Variants in NPAS3 observed in about 807,000 individuals in gnomAD.
NPAS3 encodes the protein neuronal PAS domain protein 3, also known as neuronal PAS domain-containing protein 3.
NPAS3 carries 14 observed loss-of-function variants against 73.1 expected under a neutral mutation model. The ratio of observed to expected loss-of-function variants is 0.19; its 90% CI spans 0.13 to 0.30. The LOEUF is 0.30. Among genes scored for constraint, NPAS3 ranks in the 10% least tolerant of loss-of-function variants. NPAS3 has a pLI of 1.00. For missense variants in NPAS3, 1,096 were observed against 1,250.0 expected (o/e 0.88, Z 1.86); for synonymous variants, 620 against 541.5 (o/e 1.14, Z -2.01).
chr14:33,702,328 A>G (rs978541859), intron 6 of NPAS3, among the ~76,000 whole-genome samples: 2 of 152,246 alleles, frequency 1.3e-5, no homozygotes, highest in African/African-American at 4.8e-5. Context: ...CATTTGGAAC[A>G]TACTCCTATC....
intron 5 of NPAS3, among the ~76,000 whole-genome samples, chr14:33,625,852 A>G (rs770945355): frequency 4.6e-4 from 70 of 152,238 alleles, no homozygotes; most frequent in Non-Finnish European, 8.1e-4. Context: ...TTTTCAATCC[A>G]TCAAAAAGTG....
At chr14:33,196,411 G>A (rs962330879) in intron 2 of NPAS3, among the ~76,000 whole-genome samples, 1 of 152,178 alleles carries the variant, frequency 6.6e-6, no homozygotes, top group Non-Finnish European at 1.5e-5. Context: ...GACCACAGAG[G>A]GGAAGCAAAC....
At chr14:33,379,856 C>G (rs940023213) in intron 4 of NPAS3, among the ~76,000 whole-genome samples, 1 of 152,050 alleles carries the variant, frequency 6.6e-6, no homozygotes, top group African/African-American at 2.4e-5. Flanking sequence ...TCTCTAAATA[C>G]AATAAGAGCC....
At chr14:32,959,498 G>A (rs529963955) in intron 1 of NPAS3, among the ~76,000 whole-genome samples, 8 of 152,266 alleles carry the variant, frequency 5.3e-5, no homozygotes, top group East Asian at 1.9e-4. Flanking sequence ...TTACATTTAC[G>A]TGAGTAAATA....
chr14:33,668,357 G>A (rs1038687669), intron 5 of NPAS3, among the ~76,000 whole-genome samples: 2 of 152,100 alleles, frequency 1.3e-5, no homozygotes, highest in African/African-American at 4.8e-5. Flanking sequence ...ATTTGGATGT[G>A]TAATTGTTAT....
rs954487015 is a variant in NPAS3, at chr14:33,617,853, A to C, written c.558+57643A>C. On this transcript the variant is annotated intron_variant, in intron 5 of 11. Transcript: ENST00000356141. The stretch of plus-strand genomic sequence containing the variant: ...TAAATGGTAAAGAGAGGTCTCTAAG[A>C]GTCTTTGCCATTTCACTTCTCTGGC... Among the ~76,000 whole-genome samples the C allele has an allele frequency of 7.2e-5, 11 of 152,130 alleles. No homozygotes were observed. In the South Asian group the frequency reaches 8.3e-4, roughly 11 times the overall value.
intron 4 of NPAS3, among the ~76,000 whole-genome samples, chr14:33,551,129 A>T (rs2055092876): frequency 1.3e-5 from 2 of 152,246 alleles, no homozygotes; most frequent in South Asian, 4.1e-4. Flanking sequence ...GAATTTCTGA[A>T]CTATATTTGT....
chr14:33,752,169 A>G (rs769508479), intron 7 of NPAS3, among the ~76,000 whole-genome samples: 2 of 152,246 alleles, frequency 1.3e-5, no homozygotes, highest in Non-Finnish European at 2.9e-5. Flanking sequence ...ACCTTTCTAT[A>G]AAATATAATA....
At chr14:33,628,763 C>T (rs2058292005) in intron 5 of NPAS3, among the ~76,000 whole-genome samples, 2 of 152,176 alleles carry the variant, frequency 1.3e-5, no homozygotes, top group Admixed American at 6.5e-5. Context: ...AACTGTTTCC[C>T]CTTCCTTAAG....
chr14:33,414,224 C>T (rs931970901), intron 4 of NPAS3, among the ~76,000 whole-genome samples: 5 of 152,142 alleles, frequency 3.3e-5, no homozygotes, highest in African/African-American at 1.2e-4. Flanking sequence ...CACTTCAACC[C>T]AGTAGCAAAC....
At chr14:33,248,658 G>GTTTC (rs2048473224) in intron 3 of NPAS3, among the ~76,000 whole-genome samples, 1 of 152,086 alleles carries the variant, frequency 6.6e-6, no homozygotes, top group Non-Finnish European at 1.5e-5. Flanking sequence ...CACAGTAAAG[G>GTTTC]TTTCATGTAT....
chr14:33,596,252 C>A (rs1368899831), intron 5 of NPAS3, among the ~76,000 whole-genome samples: 1 of 152,170 alleles, frequency 6.6e-6, no homozygotes, highest in African/African-American at 2.4e-5. Flanking sequence ...TTTACACTTA[C>A]AAATTAGGAG....
rs1260744308 is a variant in NPAS3 at position 33,127,934 on chromosome 14, T to A, written c.140+71940T>A. On this transcript the variant is annotated intron_variant, in intron 2 of 11. Coordinates refer to ENST00000356141, the Ensembl canonical transcript of NPAS3. ...AAGACTTATTAAGGGAGGCATAGAT[T>A]TATAAATTTCTTCCTGGACAAGGAA... 2.0e-5 allele frequency among the ~76,000 whole-genome samples: 3 copies of A among 152,270 alleles called. No homozygotes were observed. The East Asian group carries it at 5.8e-4, about 29-fold the overall frequency.
intron 1 of NPAS3, among the ~76,000 whole-genome samples, chr14:32,966,568 T>TA (rs2037167771): frequency 6.6e-6 from 1 of 152,072 alleles, no homozygotes; most frequent in East Asian, 1.9e-4. Context: ...ATTAAAGACT[T>TA]ACACGTAAGA....
At chr14:33,434,107 G>A (rs559265529) in intron 4 of NPAS3, among the ~76,000 whole-genome samples, 144 of 152,204 alleles carry the variant, frequency 9.5e-4, no homozygotes, top group Middle Eastern at 3.4e-3. Context: ...CAGCAGAACC[G>A]CTTGAACCCA....
At chr14:33,296,837 A>G (rs1458657568) in intron 3 of NPAS3, among the ~76,000 whole-genome samples, 1 of 152,152 alleles carries the variant, frequency 6.6e-6, no homozygotes, top group East Asian at 1.9e-4. Flanking sequence ...GAAAACTGGG[A>G]GCTACTTATA....
chr14:33,530,118 A>C (rs2053975916), intron 4 of NPAS3, among the ~76,000 whole-genome samples: 1 of 152,134 alleles, frequency 6.6e-6, no homozygotes, highest in Non-Finnish European at 1.5e-5. Context: ...TTAATGCATA[A>C]AATATGTAAA....
At chr14:33,676,477 G>A in intron 6 of NPAS3, 92 bp downstream of exon 6, 6 of 1,034,642 alleles carry the variant, frequency 5.8e-6, no homozygotes, top group Non-Finnish European at 8.1e-6. Context: ...ACTATAAATA[G>A]GTCTAAGGGT....
intron 1 of NPAS3, among the ~76,000 whole-genome samples, chr14:33,007,624 A>C (rs753642112): frequency 6.6e-6 from 1 of 152,234 alleles, no homozygotes; most frequent in Non-Finnish European, 1.5e-5. Flanking sequence ...GTGCTACTAC[A>C]TGCTTTACAC....
Sources: gnomAD v4.1 joint callset for allele counts (sites outside exome capture counted in the v4.1 genomes callset) on GRCh38, gnomAD v4.1.1 for gene constraint, MANE v1.5 for transcripts, NCBI Gene and HGNC (gene_info 2026-07-23, HGNC 2026-07-21) for gene names.